NPHP4: variants seen among roughly 807,000 people sequenced by gnomAD.
NPHP4 encodes the protein nephrocystin-4.
A neutral mutation model predicts 155.8 loss-of-function variants in NPHP4; 151 were observed. That is an observed-to-expected ratio of 0.97 (90% CI 0.85 to 1.11). NPHP4 has a LOEUF of 1.11. Ranked by LOEUF, NPHP4 falls within the 50% of genes least tolerant of loss-of-function variation. The pLI, the probability that NPHP4 is intolerant of heterozygous loss-of-function variation, is 0.00. For missense variants in NPHP4, 1,956 were observed against 1,925.7 expected, an observed-to-expected ratio of 1.02 and a Z score of -0.29; for synonymous variants, 845 against 816.8, an observed-to-expected ratio of 1.03 and a Z score of -0.59.
Position 5,899,520 on chromosome 1 carries a change from C to G in NPHP4, c.2143+5097G>C, listed in dbSNP as rs138513961. Among the ~76,000 whole-genome samples, 1,153 of 152,330 alleles carry G rather than the reference C, an allele frequency of 7.6e-3. 12 individuals carry two copies. Among genetic ancestry groups the G allele is most frequent in the African/African-American group, 0.027 (1,102 of 41,582 alleles). ...AGGTGAAGGACTGCGGTGAGGGAGG[C>G]CTCTGCATCCTGTTCCAGAGCCCCT... On this transcript the variant is annotated intron_variant, in intron 16 of 29. Transcript: ENST00000378156.
chr1:5,976,307 A>G (rs1185811239), intron 3 of NPHP4, among the ~76,000 whole-genome samples: 1 of 152,206 alleles, frequency 6.6e-6, no homozygotes, highest in Non-Finnish European at 1.5e-5. Flanking sequence ...CAGGCATGAA[A>G]TGACGGCATG....
intron 6 of NPHP4, among the ~76,000 whole-genome samples, chr1:5,960,095 C>T (rs1650025380): frequency 6.6e-6 from 1 of 152,234 alleles, no homozygotes. Flanking sequence ...CTTTGCTCAA[C>T]TCAACAGCAG....
intron 19 of NPHP4, 113 bp from the exon 20 acceptor site, chr1:5,877,411 C>T (rs919233948): frequency 1.1e-5 from 8 of 734,026 alleles, no homozygotes; most frequent in East Asian, 9.0e-5. Flanking sequence ...CTCAAGAGTG[C>T]GGCTCATGCT....
chr1:5,864,154 C>T, intron 28 of NPHP4, 121 bp from the exon 29 acceptor site: 2 of 1,229,984 alleles, frequency 1.6e-6, no homozygotes, highest in East Asian at 2.5e-5. Flanking sequence ...AGAGATAAGA[C>T]AGACGCTCTC....
chr1:5,879,728 C>A (rs775322354), intron 19 of NPHP4: 1 of 408,940 alleles, frequency 2.4e-6, no homozygotes, highest in Non-Finnish European at 4.8e-6. Context: ...ATGGACAGCA[C>A]AGTCCTGCCC....
In NPHP4 at chr1:5,933,176, C is replaced by T. The variant is rs769379494; in HGVS notation, c.1273G>A (p.Val425Ile). ...PNPSHCLVYK[V>I]PSASMSSEEV... is the part of the protein sequence containing the mutation. Reference sequence around the variant, plus strand: ...TCAGAGCTCATGCTGGCTGAGGGTACCTTGTAGACCAGACAGTGCGAGGGG... The same window carrying T: ...TCAGAGCTCATGCTGGCTGAGGGTATCTTGTAGACCAGACAGTGCGAGGGG... Residue 425 changes from valine (V) to isoleucine (I), a missense_variant, in exon 10 of 30, where the codon GTA becomes ATA. Transcript: ENST00000378156. The T allele has an allele frequency of 1.6e-5, 25 of 1,601,850 alleles. No homozygotes were observed. Among genetic ancestry groups the T allele is most frequent in the Non-Finnish European group, 1.8e-5 (21 of 1,171,228 alleles).
At position 5,889,592 on chromosome 1, in the gene NPHP4, C is replaced by T. The variant is rs487654; in HGVS notation, c.2304+1276G>A. On this transcript the variant is annotated intron_variant, in intron 17 of 29. Coordinates refer to ENST00000378156, the MANE Select transcript of NPHP4 (RefSeq NM_015102.5). The surrounding 1 kb of genome is among the most constrained non-coding windows in gnomAD (Gnocchi z 4.2). ...CACCCCACACATGCCCAGCGGGACC[C>T]GGCTCTGCCTCCCACACCGCCTGCC... is the stretch of plus-strand genomic sequence containing the variant. Among the ~76,000 whole-genome samples, 13,276 of 152,144 alleles carry T rather than the reference C, an allele frequency of 0.087. 628 individuals are homozygous for T. Among genetic ancestry groups the T allele is most frequent in the Middle Eastern group, 0.14 (40 of 294 alleles).
chr1:5,928,464 A>T (rs145416406), intron 10 of NPHP4, among the ~76,000 whole-genome samples: 12 of 152,354 alleles, frequency 7.9e-5, no homozygotes, highest in African/African-American at 2.6e-4. Context: ...ATTCACTCAC[A>T]AACATTTGGG....
At chr1:5,991,382 T>G (rs540263762) in intron 1 of NPHP4, 1 of 152,168 alleles carries the variant, frequency 6.6e-6, no homozygotes, top group East Asian at 1.9e-4. Context: ...AGCCCTGGGT[T>G]AGGACCGGGA....
In NPHP4 at chr1:5,877,207, G is replaced by A. The variant is rs1200133332; in HGVS notation, c.2703C>T (p.Pro901=). 4.4e-6 allele frequency: 7 copies of A among 1,606,432 alleles called. No homozygotes were observed. Among genetic ancestry groups the A allele is most frequent in the Non-Finnish European group, 6.0e-6 (7 of 1,175,980 alleles). Residue 901 remains proline (P), a synonymous_variant, in exon 20 of 30, where the codon CCC becomes CCT. Coordinates refer to ENST00000378156, the MANE Select transcript of NPHP4 (RefSeq NM_015102.5). ...LLTHARQGKG[P]QDVSRESDAT... Reference sequence around the variant, plus strand: ...CATCCGACTCGCGGCTGACGTCCTGGGGCCCCTTGCCCTGCCGGGCATGGG... The same window carrying A: ...CATCCGACTCGCGGCTGACGTCCTGAGGCCCCTTGCCCTGCCGGGCATGGG...
At chr1:5,945,005 G>A (rs1040756088) in intron 9 of NPHP4, among the ~76,000 whole-genome samples, 9 of 152,084 alleles carry the variant, frequency 5.9e-5, no homozygotes, top group South Asian at 2.1e-4. Flanking sequence ...AGCCTCACCC[G>A]CACCCGCACC....
chr1:5,927,884 A>C, intron 10 of NPHP4, 97 bp from the exon 11 acceptor site: 1 of 1,311,002 alleles, frequency 7.6e-7, no homozygotes, highest in Non-Finnish European at 1.0e-6. Flanking sequence ...CCTAAAACAA[A>C]GTCTACGTGA....
intron 9 of NPHP4, among the ~76,000 whole-genome samples, chr1:5,941,289 C>CAAAAAAAAA (rs66676950): frequency 2.7e-4 from 12 of 44,764 alleles, no homozygotes; most frequent in African/African-American, 7.9e-4. Context: ...GAGATCTAGA[C>CAAAAAAAAA]AAAAAAAAAA....
In NPHP4 at chr1:5,874,012, T is replaced by C. The variant is rs376264143; in HGVS notation, c.3231+459A>G. ...ACACCTCACATACATCCTGCACACA[T>C]ACCTCTTGCACATATACCTGCTGCA... On this transcript the variant is annotated intron_variant, in intron 22 of 29. Coordinates refer to ENST00000378156, the MANE Select transcript of NPHP4 (RefSeq NM_015102.5). Among the ~76,000 whole-genome samples, 30 of 151,840 alleles carry C rather than the reference T, an allele frequency of 2.0e-4. No homozygotes were observed. The East Asian group carries it at 5.4e-3, about 27-fold the overall frequency.
At chr1:5,955,442 T>G (rs1425748513) in intron 6 of NPHP4, among the ~76,000 whole-genome samples, 1 of 152,266 alleles carries the variant, frequency 6.6e-6, no homozygotes, top group East Asian at 1.9e-4. Context: ...CTCCCATGTT[T>G]ATTGCAGCAC....
chr1:5,986,328 C>G lies in NPHP4; in HGVS notation c.-38-1G>C. ...GGGTCCCGTGGGCTTCCCGGATGAT[C>G]TGTGCCAGTCGTATTCAAATAAAGA... On this transcript the variant is annotated splice_acceptor_variant, in intron 1 of 29. Transcript: ENST00000378156. LOFTEE classifies it low-confidence loss of function (5UTR_SPLICE). The G allele has an allele frequency of 1.2e-6, 2 of 1,610,522 alleles. No individual in the cohort carries two copies. The highest frequency in any genetic ancestry group is 1.3e-5 in the African/African-American group (1 of 74,944).
chr1:5,969,031 A>C, intron 4 of NPHP4, 56 bp downstream of exon 4: 1 of 1,264,904 alleles, frequency 7.9e-7, no homozygotes, highest in Non-Finnish European at 1.1e-6. Context: ...TGTCTCAAAA[A>C]AAAAAAAAAA....
rs202146493 is a variant in NPHP4, at chr1:5,863,248, A to T, written c.*17T>A. The T allele has an allele frequency of 3.0e-5, 48 of 1,613,776 alleles. No homozygotes were observed. The highest frequency in any genetic ancestry group is 4.0e-5 in the Non-Finnish European group (47 of 1,179,660). ...GCCCCAGCTGGGTGCCGCAGGAAGG[A>T]CGTCACCCTCAAGCCCTCACTGGTA... On this transcript the variant is annotated 3_prime_UTR_variant, in exon 30 of 30. Transcript: ENST00000378156.
chr1:5,973,904 G>A (rs996566540), intron 3 of NPHP4, among the ~76,000 whole-genome samples: 2 of 152,226 alleles, frequency 1.3e-5, no homozygotes, highest in Admixed American at 1.3e-4. Flanking sequence ...GAAGCAGCTC[G>A]CTGGGACACG....
Sources: allele counts gnomAD v4.1 joint callset (sites outside exome capture counted in the v4.1 genomes callset), GRCh38; gene constraint gnomAD v4.1.1; non-coding constraint Gnocchi (gnomAD v3.1); transcripts MANE v1.5; gene names NCBI Gene and HGNC (gene_info 2026-07-23, HGNC 2026-07-21).